Variants in PCYT1B observed in about 807,000 individuals in gnomAD.
PCYT1B encodes choline-phosphate cytidylyltransferase B.
Under a neutral mutation model 26.4 loss-of-function variants are expected in PCYT1B, and 10 were observed. The observed-to-expected ratio is 0.38, with a 90% confidence interval of 0.23 to 0.64. The LOEUF (loss-of-function observed/expected upper bound fraction) is 0.64. PCYT1B is among the 30% of genes least tolerant of loss of function. The probability of loss-of-function intolerance (pLI) is 0.56; values close to 1 mark genes in which losing one functional copy is unlikely to be tolerated. For missense variants in PCYT1B, 161 were observed against 292.7 expected (o/e 0.55, Z 3.28); for synonymous variants, 131 against 108.4 (o/e 1.21, Z -1.29).
intron 2 of PCYT1B, among the ~76,000 whole-genome samples, chrX:24,617,371 G>GTTTT (rs201674610): frequency 1.2e-4 from 10 of 80,328 alleles, no homozygotes; most frequent in Non-Finnish European, 1.8e-4. Flanking sequence ...TGGTTTGTTT[G>GTTTT]TTTTTTTTTT....
At chrX:24,623,360 T>C (rs746262609) in intron 1 of PCYT1B, among the ~76,000 whole-genome samples, 198 of 51,620 alleles carry the variant, frequency 3.8e-3, no homozygotes, top group African/African-American at 0.014. Context: ...GCACATGAGA[T>C]TTACATATAT....
At chrX:24,588,732 G>A (rs1256895828) in intron 4 of PCYT1B, among the ~76,000 whole-genome samples, 1 of 111,357 alleles carries the variant, frequency 9.0e-6, no homozygotes, top group Non-Finnish European at 1.9e-5. Context: ...TTACCCACTA[G>A]AAGCCGGTAG....
intron 6 of PCYT1B, 109 bp downstream of exon 6, chrX:24,579,207 G>GAT: frequency 1.5e-6 from 1 of 663,567 alleles, no homozygotes; most frequent in Non-Finnish European, 2.2e-6. Context: ...AAAAGAGAGA[G>GAT]AGAGAGGGAG....
intron 3 of PCYT1B, among the ~76,000 whole-genome samples, chrX:24,600,559 T>C (rs1455306257): frequency 9.0e-6 from 1 of 111,125 alleles, no homozygotes; most frequent in African/African-American, 3.3e-5. Flanking sequence ...ACAAATACTT[T>C]TGTGGGTTTT....
chrX:24,663,605 T>C (rs1352282719), intron 1 of PCYT1B, among the ~76,000 whole-genome samples: 1 of 112,052 alleles, frequency 8.9e-6, no homozygotes, highest in African/African-American at 3.2e-5. Context: ...CTGAAGCGTT[T>C]TATTCTAAGT....
chrX:24,617,197 C>T (rs1356903803), intron 2 of PCYT1B, among the ~76,000 whole-genome samples: 1 of 111,507 alleles, frequency 9.0e-6, no homozygotes, highest in Non-Finnish European at 1.9e-5. Context: ...TTCTCTAAAC[C>T]TTCATTTCCT....
chrX:24,595,343 G>A (rs913522307), intron 3 of PCYT1B, among the ~76,000 whole-genome samples: 7 of 110,014 alleles, frequency 6.4e-5, no homozygotes, highest in Non-Finnish European at 1.3e-4. Flanking sequence ...GATGCCAGTG[G>A]CAGGACCTCA....
intron 3 of PCYT1B, among the ~76,000 whole-genome samples, chrX:24,603,471 C>T (rs936752350): frequency 8.9e-6 from 1 of 112,216 alleles, no homozygotes; most frequent in Non-Finnish European, 1.9e-5. Flanking sequence ...GTAATCCCAG[C>T]ATTTTGGGAC....
intron 1 of PCYT1B, among the ~76,000 whole-genome samples, chrX:24,669,937 G>C (rs767447798): frequency 9.3e-5 from 10 of 108,060 alleles, no homozygotes; most frequent in South Asian, 4.1e-4. Flanking sequence ...TAGCTCCTTG[G>C]GGGGCTGAGG....
At chrX:24,618,925 T>C in intron 2 of PCYT1B, 60 bp downstream of exon 2, 1 of 802,046 alleles carries the variant, frequency 1.2e-6, no homozygotes, top group East Asian at 3.3e-5. Context: ...GCCCGGCCCC[T>C]TTCTGATACT....
At chrX:24,670,044 AAAAAAAAG>A (rs1927206623) in intron 1 of PCYT1B, among the ~76,000 whole-genome samples, 1 of 75,050 alleles carries the variant, frequency 1.3e-5, no homozygotes, top group African/African-American at 5.0e-5. Flanking sequence ...CCTTGTCTCA[AAAAAAAAG>A]AAAGAAAGAA....
chrX:24,659,447 T>A (rs1279279006), intron 1 of PCYT1B, among the ~76,000 whole-genome samples: 1 of 111,329 alleles, frequency 9.0e-6, no homozygotes, highest in African/African-American at 3.3e-5. Flanking sequence ...CTGTGGGCAA[T>A]GTGTAAATCT....
intron 5 of PCYT1B, among the ~76,000 whole-genome samples, chrX:24,584,093 G>T (rs1924290885): frequency 8.9e-6 from 1 of 111,753 alleles, no homozygotes; most frequent in Admixed American, 9.5e-5. Flanking sequence ...CCAGCACTTT[G>T]GGAGGCCGAG....
chrX:24,659,611 A>G (rs1473818880), intron 1 of PCYT1B, among the ~76,000 whole-genome samples: 3 of 112,011 alleles, frequency 2.7e-5, no homozygotes, highest in African/African-American at 9.7e-5. Flanking sequence ...GGTAATTTAT[A>G]ATGAACAGAA....
intron 1 of PCYT1B, among the ~76,000 whole-genome samples, chrX:24,665,492 T>C (rs1179652887): frequency 9.0e-6 from 1 of 110,809 alleles, no homozygotes; most frequent in Non-Finnish European, 1.9e-5. Flanking sequence ...GGTTTCGCCA[T>C]GTTGACCAGG....
At chrX:24,640,310 A>G (rs1926425829) in intron 1 of PCYT1B, among the ~76,000 whole-genome samples, 1 of 112,076 alleles carries the variant, frequency 8.9e-6, no homozygotes, top group Admixed American at 9.5e-5. Context: ...ACTGCATTTG[A>G]TTCTATTGGA....
At chrX:24,592,390 T>C (rs1924597082) in intron 3 of PCYT1B, among the ~76,000 whole-genome samples, 1 of 111,336 alleles carries the variant, frequency 9.0e-6, no homozygotes, top group African/African-American at 3.3e-5. Flanking sequence ...CTCAGCATCC[T>C]TGGAAAACCT....
chrX:24,645,503 C>A (rs963413832), intron 1 of PCYT1B, among the ~76,000 whole-genome samples: 1 of 110,724 alleles, frequency 9.0e-6, no homozygotes, highest in African/African-American at 3.3e-5. Context: ...TTGAGGCCAG[C>A]CTGGAAAACA....
chrX:24,631,634 C>G (rs1422607318), intron 1 of PCYT1B, among the ~76,000 whole-genome samples: 2 of 112,230 alleles, frequency 1.8e-5, no homozygotes, highest in Non-Finnish European at 3.8e-5. Flanking sequence ...TCCCACATCC[C>G]AAAGATGTAC....
Sources: gnomAD v4.1 joint callset for allele counts (sites outside exome capture counted in the v4.1 genomes callset) on GRCh38, gnomAD v4.1.1 for gene constraint, MANE v1.5 for transcripts, NCBI Gene and HGNC (gene_info 2026-07-23, HGNC 2026-07-21) for gene names.